The following DSTN variants were observed in gnomAD, a reference collection of about 807,000 sequenced individuals.
DSTN encodes the protein destrin.
DSTN carries 10 observed loss-of-function variants against 16.8 expected under a neutral mutation model. That is an observed-to-expected ratio of 0.60 (90% CI 0.37 to 1.01). The LOEUF is 1.01. Among genes scored for constraint, DSTN ranks in the 50% least tolerant of loss-of-function variants. The pLI is 0.01. For synonymous variants in DSTN, 57 were observed against 58.9 expected, an observed-to-expected ratio of 0.97 and a Z score of 0.14; for missense variants, 141 against 196.7, an observed-to-expected ratio of 0.72 and a Z score of 1.69.
intron 1 of DSTN, among the ~76,000 whole-genome samples, chr20:17,575,851 C>G (rs1360419654): frequency 6.6e-6 from 1 of 152,144 alleles, no homozygotes; most frequent in Non-Finnish European, 1.5e-5. Context: ...GAGTTTACTT[C>G]TCTTGTGGCA....
At chr20:17,586,382 A>G (rs1248854775) in intron 1 of DSTN, among the ~76,000 whole-genome samples, 1 of 152,218 alleles carries the variant, frequency 6.6e-6, no homozygotes, top group Non-Finnish European at 1.5e-5. Flanking sequence ...GGCTTGCCTC[A>G]TAGGACCCAG....
chr20:17,587,401 T>C (rs1038936154), intron 1 of DSTN, among the ~76,000 whole-genome samples: 2 of 152,188 alleles, frequency 1.3e-5, no homozygotes, highest in Admixed American at 6.5e-5. Context: ...TAGCTGGGAC[T>C]ACAGGCATGT....
intron 1 of DSTN, among the ~76,000 whole-genome samples, chr20:17,593,239 C>G (rs2035489250): frequency 6.6e-6 from 1 of 152,198 alleles, no homozygotes. Flanking sequence ...TCTGTTTAAG[C>G]TACTTTCTTT....
At chr20:17,596,416 G>C (rs2035527248) in intron 1 of DSTN, among the ~76,000 whole-genome samples, 1 of 152,162 alleles carries the variant, frequency 6.6e-6, no homozygotes, top group African/African-American at 2.4e-5. Context: ...AGTCTTCAGA[G>C]TGGATGTGTC....
chr20:17,577,993 T>A (rs1478685160), intron 1 of DSTN, among the ~76,000 whole-genome samples: 1 of 152,230 alleles, frequency 6.6e-6, no homozygotes, highest in Non-Finnish European at 1.5e-5. Context: ...CTAGCCACAT[T>A]TAAAGGACTC....
rs1217897362 is a variant in DSTN at position 17,570,202 on chromosome 20, G to C, written c.-7G>C. 6.6e-7 allele frequency: 1 copy of C among 1,519,312 alleles called. No homozygotes were observed. The highest frequency in any genetic ancestry group is 1.4e-5 in the African/African-American group (1 of 69,946). 94.1% of individuals were successfully genotyped at this position (1,519,312 alleles called of 1,614,324 possible). Reference sequence around the variant, plus strand: ...TCCCCCGCGTCCCTGCGACCGCCGCGGCGAAGATGGTGAGTAGGAGGGAGG... The same window carrying C: ...TCCCCCGCGTCCCTGCGACCGCCGCCGCGAAGATGGTGAGTAGGAGGGAGG... On this transcript the variant is annotated 5_prime_UTR_variant, in exon 1 of 4. Coordinates refer to ENST00000246069, the MANE Select transcript of DSTN (RefSeq NM_006870.4).
intron 1 of DSTN, among the ~76,000 whole-genome samples, chr20:17,570,507 C>T (rs1017941107): frequency 1.3e-5 from 2 of 152,312 alleles, no homozygotes; most frequent in South Asian, 2.1e-4. Context: ...GGCCTTGCAA[C>T]AACTGGCTGG....
chr20:17,589,391 A>G (rs1415519209), intron 1 of DSTN, among the ~76,000 whole-genome samples: 1 of 152,054 alleles, frequency 6.6e-6, no homozygotes, highest in African/African-American at 2.4e-5. Flanking sequence ...TTGTATTTTT[A>G]GTAGACACGG....
At chr20:17,591,984 G>C (rs1600707401) in intron 1 of DSTN, 1 of 985,480 alleles carries the variant, frequency 1.0e-6, no homozygotes, top group East Asian at 1.1e-4. Flanking sequence ...CCAGCGTATT[G>C]AGAGGAGATA....
Position 17,608,230 on chromosome 20 carries a change from C to T in DSTN, c.*1084C>T, listed in dbSNP as rs944758724. 3.3e-5 allele frequency: 5 copies of T among 152,302 alleles called. No individual in the cohort carries two copies. Among genetic ancestry groups the T allele is most frequent in the South Asian group, 4.1e-4 (2 of 4,824 alleles). The allele number at this position is 152,302 out of a possible 1,614,324, so 9.4% of individuals were successfully genotyped here. ...TATTGGCTTTATGTAATAAAGGAAG[C>T]ATTTTTGACTTACCTCTCGTGTAAT... On this transcript the variant is annotated 3_prime_UTR_variant, in exon 4 of 4. Transcript: ENST00000246069.
At chr20:17,603,470 CTGAT>C (rs552458571) in intron 2 of DSTN, among the ~76,000 whole-genome samples, 39 of 152,264 alleles carry the variant, frequency 2.6e-4, no homozygotes, top group African/African-American at 8.9e-4. Flanking sequence ...GCTCCAAGAA[CTGAT>C]TGACAATGTT....
chr20:17,605,617 C>T (rs560683748), intron 3 of DSTN, among the ~76,000 whole-genome samples: 49 of 152,252 alleles, frequency 3.2e-4, no homozygotes, highest in Middle Eastern at 3.4e-3. Context: ...TCAGGTTCTT[C>T]GTGCATTTGG....
At chr20:17,593,966 C>G (rs1008826052) in intron 1 of DSTN, among the ~76,000 whole-genome samples, 6 of 151,894 alleles carry the variant, frequency 4.0e-5, no homozygotes, top group Non-Finnish European at 8.8e-5. Flanking sequence ...CTTATAGTCC[C>G]AGTACTCAGG....
Position 17,607,156 on chromosome 20 carries a change from T to C in DSTN, c.*10T>C. 1 of 1,605,404 alleles carries C rather than the reference T, an allele frequency of 6.2e-7. No homozygotes were observed. The highest frequency in any genetic ancestry group is 8.5e-7 in the Non-Finnish European group (1 of 1,176,478). On this transcript the variant is annotated 3_prime_UTR_variant, in exon 4 of 4. Transcript: ENST00000246069. ...AGGATGCCCTGTGTAGATTATTCAG[T>C]GCCACAAATTGAAAGCTTCCATGTT... is the stretch of plus-strand genomic sequence containing the variant.
At chr20:17,583,167 C>T (rs2035365066) in intron 1 of DSTN, among the ~76,000 whole-genome samples, 1 of 152,190 alleles carries the variant, frequency 6.6e-6, no homozygotes, top group Admixed American at 6.5e-5. Flanking sequence ...CCTGCTAAGA[C>T]AGCTATAATG....
rs889383102 is a variant in DSTN, at chr20:17,570,159, C to T, written c.-50C>T. The stretch of plus-strand genomic sequence containing the variant: ...CCGTGAGGAGGACGGTCTGCATACT[C>T]GCTGCCCGCCGGCTCCCTCCCCCGC... On this transcript the variant is annotated 5_prime_UTR_variant, in exon 1 of 4. Transcript: ENST00000246069. 4.0e-5 allele frequency: 61 copies of T among 1,516,918 alleles called. No homozygotes were observed. Among genetic ancestry groups the T allele is most frequent in the Non-Finnish European group, 5.3e-5 (60 of 1,136,656 alleles). The allele number at this position is 1,516,918 out of a possible 1,614,324, so 94.0% of individuals were successfully genotyped here. A position where few individuals can be genotyped will look rare whatever the true frequency, so the allele number is the denominator to read the frequency against.
intron 1 of DSTN, 35 bp downstream of exon 1, chr20:17,570,246 C>T (rs1403357468): frequency 3.8e-5 from 56 of 1,483,326 alleles, no homozygotes; most frequent in Non-Finnish European, 4.8e-5. Flanking sequence ...TGGGCCGAGG[C>T]GGCCGGGAGC....
chr20:17,594,082 A>AAAT (rs2035499598), intron 1 of DSTN, among the ~76,000 whole-genome samples: 1 of 145,502 alleles, frequency 6.9e-6, no homozygotes, highest in Non-Finnish European at 1.5e-5. Flanking sequence ...CCGTATCTCA[A>AAAT]AAATAAATAA....
chr20:17,582,072 T>C (rs2035351850), intron 1 of DSTN, among the ~76,000 whole-genome samples: 1 of 143,206 alleles, frequency 7.0e-6, no homozygotes, highest in African/African-American at 2.7e-5. Context: ...CTCTATGAAA[T>C]ATACATTTTT....
Sources: allele counts gnomAD v4.1 joint callset (sites outside exome capture counted in the v4.1 genomes callset), GRCh38; gene constraint gnomAD v4.1.1; transcripts MANE v1.5; gene names NCBI Gene and HGNC (gene_info 2026-07-23, HGNC 2026-07-21).